The following ITGA1 variants were observed in gnomAD, a reference collection of about 807,000 sequenced individuals.
The protein encoded by ITGA1 is integrin alpha-1.
Under a neutral mutation model 145.9 loss-of-function variants are expected in ITGA1, and 85 were observed. The ratio of observed to expected loss-of-function variants is 0.58; its 90% CI spans 0.49 to 0.70. ITGA1 has a LOEUF of 0.70. ITGA1 is among the 30% of genes least tolerant of loss of function. The pLI is 0.00. For synonymous variants in ITGA1, 520 were observed against 495.3 expected, an observed-to-expected ratio of 1.05 and a Z score of -0.66; for missense variants, 1,351 against 1,418.7, an observed-to-expected ratio of 0.95 and a Z score of 0.77.
rs1312527563 is a variant in ITGA1 at position 52,925,445 on chromosome 5, A to C, written c.2571A>C (p.Thr857=). ...AGGACAGTGCCTATAACACCAGGACAATAGTGCATTATTCTCCAAATCTAG... is the reference window on the plus strand; with the variant it reads ...AGGACAGTGCCTATAACACCAGGACCATAGTGCATTATTCTCCAAATCTAG... The part of the protein sequence containing the change: ...NTKDSAYNTR[T]IVHYSPNLVF... Residue 857 remains threonine (T), a synonymous_variant, in exon 19 of 29, where the codon ACA becomes ACC. Transcript: ENST00000282588. The C allele has an allele frequency of 6.2e-7, 1 of 1,614,094 alleles. No homozygotes were observed. The highest frequency in any genetic ancestry group is 8.5e-7 in the Non-Finnish European group (1 of 1,179,924).
chr5:52,861,480 C>G lies in ITGA1; in HGVS notation c.216C>G (p.Pro72=), dbSNP rs771137105. The G allele has an allele frequency of 1.2e-6, 2 of 1,613,360 alleles. No homozygotes were observed. The highest frequency in any genetic ancestry group is 1.7e-6 in the Non-Finnish European group (2 of 1,179,674). ...VLIGSPLVGQ[P]KNRTGDVYKC... is the part of the protein sequence containing the mutation. ...TTGGTTCTCCGTTAGTTGGCCAACCCAAAAACAGAACTGGAGATGTCTATA... is the reference window on the plus strand; with the variant it reads ...TTGGTTCTCCGTTAGTTGGCCAACCGAAAAACAGAACTGGAGATGTCTATA... Residue 72 remains proline, a synonymous_variant, in exon 3 of 29, where the codon CCC becomes CCG. Transcript: ENST00000282588.
chr5:52,876,324 TGTC>T (rs1561234389), intron 6 of ITGA1, among the ~76,000 whole-genome samples: 2 of 151,248 alleles, frequency 1.3e-5, no homozygotes, highest in Non-Finnish European at 3.0e-5. Flanking sequence ...ATTTGACCCT[TGTC>T]TGTAATGAAA....
intron 15 of ITGA1, among the ~76,000 whole-genome samples, chr5:52,916,279 A>G (rs1011908483): frequency 1.3e-5 from 2 of 152,176 alleles, no homozygotes; most frequent in Non-Finnish European, 2.9e-5. Context: ...AATCCACATG[A>G]TAATTTTGAA....
At chr5:52,898,148 A>G in intron 10 of ITGA1, 91 bp from the exon 11 acceptor site, 1 of 761,446 alleles carries the variant, frequency 1.3e-6, no homozygotes, top group East Asian at 3.0e-5. Flanking sequence ...AGCACTTTGA[A>G]CAGTATACCT....
rs182069908 is a variant in ITGA1 at position 52,956,265 on chromosome 5, C to T, written c.*3814C>T. The T allele has an allele frequency of 4.6e-5, 7 of 152,322 alleles. No homozygotes were observed. Among genetic ancestry groups the T allele is most frequent in the Admixed American group, 4.6e-4 (7 of 15,300 alleles). The allele number at this position is 152,322 out of a possible 1,614,324, so 9.4% of individuals were successfully genotyped here. On this transcript the variant is annotated 3_prime_UTR_variant, in exon 29 of 29. Transcript: ENST00000282588. ...TACTCCATGGGAACTGACTGTCCTG[C>T]TTTTCACAACATTGAGAAACAGGCC...
intron 1 of ITGA1, among the ~76,000 whole-genome samples, chr5:52,813,672 T>G (rs1748718061): frequency 6.6e-6 from 1 of 152,134 alleles, no homozygotes; most frequent in African/African-American, 2.4e-5. Context: ...AATCTCTGAG[T>G]GTGAAAATCA....
chr5:52,865,824 G>T lies in ITGA1; in HGVS notation c.624+7G>T. On this transcript the variant is annotated splice_region_variant and intron_variant, in intron 6 of 28. Transcript: ENST00000282588. ...TGGTCCTAAACAGACACAGGTATGT[G>T]ACTTTGTGTTTTGATTTCTGTTGTT... is the stretch of plus-strand genomic sequence containing the variant. The T allele has an allele frequency of 6.4e-7, 1 of 1,560,200 alleles. No homozygotes were observed. Among genetic ancestry groups the T allele is most frequent in the South Asian group, 1.2e-5 (1 of 82,268 alleles).
intron 8 of ITGA1, among the ~76,000 whole-genome samples, chr5:52,891,142 A>C (rs1422376530): frequency 1.3e-5 from 2 of 152,152 alleles, no homozygotes; most frequent in Admixed American, 1.3e-4. Context: ...ATCCATACTT[A>C]AGGTTAATTC....
At chr5:52,929,730 A>T (rs1005018456) in intron 21 of ITGA1, 29 bp downstream of exon 21, 11 of 1,113,452 alleles carry the variant, frequency 9.9e-6, no homozygotes, top group Non-Finnish European at 1.3e-5. Context: ...AAATGTATGT[A>T]TATGAATGTA....
chr5:52,855,201 A>G (rs561912281), intron 2 of ITGA1, among the ~76,000 whole-genome samples: 2 of 152,294 alleles, frequency 1.3e-5, no homozygotes, highest in East Asian at 3.9e-4. Context: ...AGGATATGGA[A>G]CACCAGCCTT....
At chr5:52,919,706 A>G (rs1018924847) in intron 16 of ITGA1, among the ~76,000 whole-genome samples, 2 of 152,204 alleles carry the variant, frequency 1.3e-5, no homozygotes, top group Non-Finnish European at 1.5e-5. Context: ...TGAGTTTTAT[A>G]TGTAACTTTA....
chr5:52,804,224 A>G (rs1212771833), intron 1 of ITGA1, among the ~76,000 whole-genome samples: 2 of 152,236 alleles, frequency 1.3e-5, no homozygotes, highest in East Asian at 3.8e-4. Context: ...TGGATATGTG[A>G]TAAAAACTCT....
chr5:52,865,156 A>G (rs2111777072), intron 5 of ITGA1, 74 bp downstream of exon 5: 17 of 1,061,560 alleles, frequency 1.6e-5, no homozygotes, highest in Non-Finnish European at 2.4e-5. Context: ...ATACAAAGGA[A>G]CATACCAAAA....
At chr5:52,863,844 CA>C (rs1749643500) in intron 3 of ITGA1, 2 of 152,308 alleles carry the variant, frequency 1.3e-5, no homozygotes, top group South Asian at 4.1e-4. Context: ...TATACAAGAT[CA>C]ATGCATACAA....
In ITGA1 at chr5:52,898,371, G is replaced by A. The variant is rs1365053096; in HGVS notation, c.1297G>A (p.Ala433Thr). 1 of 1,597,472 alleles carries A rather than the reference G, an allele frequency of 6.3e-7. No homozygotes were observed. Among genetic ancestry groups the A allele is most frequent in the Non-Finnish European group, 8.5e-7 (1 of 1,174,014 alleles). ...VESTKKNEPL[A>T]SYLGYTVNSA... ...GTCTACCAAAAAGAATGAACCGCTT[G>A]CTTCTTATTTAGGTAAGGTTTGGAT... Residue 433 changes from alanine to threonine, a missense_variant, in exon 11 of 29, where the codon GCT (alanine) becomes ACT (threonine). Transcript: ENST00000282588.
intron 9 of ITGA1, 97 bp from the exon 10 acceptor site, chr5:52,897,358 A>G: frequency 3.7e-6 from 3 of 808,618 alleles, no homozygotes; most frequent in South Asian, 1.6e-5. Context: ...TCTGGTTGGT[A>G]AGACCACAAG....
chr5:52,919,743 G>C (rs1408962402), intron 16 of ITGA1, among the ~76,000 whole-genome samples: 1 of 152,094 alleles, frequency 6.6e-6, no homozygotes, highest in Admixed American at 6.6e-5. Flanking sequence ...TTTTTGCAAA[G>C]TAATTAAGTG....
chr5:52,801,822 C>T, intron 1 of ITGA1: 4 of 1,607,702 alleles, frequency 2.5e-6, no homozygotes, highest in Non-Finnish European at 3.4e-6. Flanking sequence ...AGGGTGATTC[C>T]AGTTCTGAAG....
chr5:52,935,151 T>C (rs1422317259), intron 23 of ITGA1, among the ~76,000 whole-genome samples: 1 of 152,100 alleles, frequency 6.6e-6, no homozygotes, highest in Non-Finnish European at 1.5e-5. Flanking sequence ...TTGCTAAGAA[T>C]ATTCCTGAGC....
Sources: gnomAD v4.1 joint callset for allele counts (sites outside exome capture counted in the v4.1 genomes callset) on GRCh38, gnomAD v4.1.1 for gene constraint, MANE v1.5 for transcripts, NCBI Gene and HGNC (gene_info 2026-07-23, HGNC 2026-07-21) for gene names.